PRKCE: variants seen among roughly 807,000 people sequenced by gnomAD.
PRKCE encodes protein kinase C epsilon.
PRKCE carries 16 observed loss-of-function variants against 85.4 expected under a neutral mutation model. The observed-to-expected ratio is 0.19, with a 90% CI of 0.13 to 0.28. PRKCE has a LOEUF of 0.28. Among genes scored for constraint, PRKCE ranks in the 10% least tolerant of loss-of-function variants. The probability of loss-of-function intolerance (pLI) is 1.00; values close to 1 mark genes in which losing one functional copy is unlikely to be tolerated. For synonymous variants in PRKCE, 388 were observed against 371.5 expected (o/e 1.04, Z -0.51); for missense variants, 573 against 975.2 (o/e 0.59, Z 5.49).
chr2:46,034,763 CT>C (rs1316023399), intron 10 of PRKCE, among the ~76,000 whole-genome samples: 1 of 152,240 alleles, frequency 6.6e-6, no homozygotes, highest in Non-Finnish European at 1.5e-5. Context: ...CTCTGACCTC[CT>C]TTGGAGGCTT....
chr2:45,703,021 T>TCA (rs1553382470), intron 1 of PRKCE, among the ~76,000 whole-genome samples: 2 of 149,960 alleles, frequency 1.3e-5, no homozygotes, highest in South Asian at 2.1e-4. Context: ...AAGCCTTTTT[T>TCA]CCCCCCCCGT....
chr2:45,720,489 A>C (rs2104454443), intron 1 of PRKCE, among the ~76,000 whole-genome samples: 1 of 152,218 alleles, frequency 6.6e-6, no homozygotes, highest in Middle Eastern at 3.4e-3. Flanking sequence ...CTGAGATGGA[A>C]ATCTGTGACA....
chr2:45,976,350 G>A, intron 2 of PRKCE, 79 bp from the exon 3 acceptor site: 1 of 1,492,870 alleles, frequency 6.7e-7, no homozygotes. Flanking sequence ...CAGGGATGGA[G>A]TAGCTCTCCA....
intron 5 of PRKCE, among the ~76,000 whole-genome samples, chr2:45,981,675 G>A (rs1024956414): frequency 5.3e-5 from 8 of 152,316 alleles, no homozygotes; most frequent in South Asian, 4.2e-4. Flanking sequence ...TTGCTTTCAC[G>A]AGGAAATGAA....
intron 1 of PRKCE, among the ~76,000 whole-genome samples, chr2:45,737,420 A>T (rs767626607): frequency 2.0e-5 from 3 of 152,180 alleles, no homozygotes; most frequent in Admixed American, 1.3e-4. Flanking sequence ...GAGCACTCAG[A>T]CATCCACTAC....
chr2:46,116,719 G>A (rs750712802), intron 11 of PRKCE, among the ~76,000 whole-genome samples: 1 of 149,128 alleles, frequency 6.7e-6, no homozygotes, highest in African/African-American at 2.5e-5. Flanking sequence ...CACACATGGT[G>A]CTGTTCCTGA....
rs534174400 is a variant in PRKCE at position 46,139,278 on chromosome 2, A to G, written c.1593-5815A>G. Among the ~76,000 whole-genome samples, 6 of 152,300 alleles carry G rather than the reference A, an allele frequency of 3.9e-5. No homozygotes were observed. In the South Asian group the frequency reaches 1.2e-3, roughly 32 times the overall value. On this transcript the variant is annotated intron_variant, in intron 11 of 14. Coordinates refer to ENST00000306156, the MANE Select transcript of PRKCE (RefSeq NM_005400.3). The surrounding 1 kb of genome is among the most constrained non-coding windows in gnomAD (Gnocchi z 5.2). ...CAGACAATTTGAAAAATCCAGGAGAATCAACTGGAAAACTGTTACAAAAAT... is the reference window on the plus strand; with the variant it reads ...CAGACAATTTGAAAAATCCAGGAGAGTCAACTGGAAAACTGTTACAAAAAT...
chr2:45,678,526 C>T (rs150315938), intron 1 of PRKCE, among the ~76,000 whole-genome samples: 363 of 150,802 alleles, frequency 2.4e-3, no homozygotes, highest in African/African-American at 8.1e-3. Flanking sequence ...ATAGAATGAA[C>T]GTGCACGCCT....
intron 10 of PRKCE, among the ~76,000 whole-genome samples, chr2:46,062,494 A>T (rs1390338768): frequency 6.6e-6 from 1 of 152,122 alleles, no homozygotes; most frequent in East Asian, 1.9e-4. Flanking sequence ...GATTAGGACT[A>T]GACACAAACT....
intron 13 of PRKCE, among the ~76,000 whole-genome samples, chr2:46,154,603 G>A (rs944750825): frequency 2.2e-4 from 34 of 151,766 alleles, no homozygotes; most frequent in Admixed American, 6.6e-4. Context: ...CCTTGTCCTC[G>A]CCCTCTGGGA....
intron 2 of PRKCE, among the ~76,000 whole-genome samples, chr2:45,914,754 A>C (rs904403916): frequency 3.9e-5 from 6 of 152,144 alleles, no homozygotes; most frequent in Admixed American, 2.0e-4. Flanking sequence ...TGTTGCTTTT[A>C]TTGGTTTGGC....
chr2:46,075,423 C>A (rs1277977411), intron 10 of PRKCE, among the ~76,000 whole-genome samples: 1 of 152,088 alleles, frequency 6.6e-6, no homozygotes, highest in Non-Finnish European at 1.5e-5. Context: ...TGCCAGTGAG[C>A]AACCTGTTGT....
At chr2:45,871,880 A>C (rs1165134315) in intron 2 of PRKCE, among the ~76,000 whole-genome samples, 1 of 152,154 alleles carries the variant, frequency 6.6e-6, no homozygotes, top group African/African-American at 2.4e-5. Flanking sequence ...CTGATGACGA[A>C]GTGGAGAAAG....
intron 1 of PRKCE, among the ~76,000 whole-genome samples, chr2:45,807,642 A>G (rs2105237006): frequency 6.6e-6 from 1 of 152,318 alleles, no homozygotes. Context: ...CCTGCCCAAC[A>G]TTCATGGCTA....
intron 11 of PRKCE, among the ~76,000 whole-genome samples, chr2:46,108,833 T>C (rs995780782): frequency 6.6e-6 from 1 of 152,186 alleles, no homozygotes; most frequent in Non-Finnish European, 1.5e-5. Context: ...AGTTTAGTGT[T>C]TGATATTTAG....
intron 2 of PRKCE, among the ~76,000 whole-genome samples, chr2:45,868,089 G>A (rs942870230): frequency 3.3e-5 from 5 of 151,930 alleles, no homozygotes; most frequent in Admixed American, 6.6e-5. Flanking sequence ...ATTGTTCTCC[G>A]TGAGTGGTGG....
At chr2:46,181,244 C>T (rs1244899117) in intron 14 of PRKCE, among the ~76,000 whole-genome samples, 1 of 152,150 alleles carries the variant, frequency 6.6e-6, no homozygotes, top group Non-Finnish European at 1.5e-5. Flanking sequence ...GATGGGTTTT[C>T]CCAGAGATGT....
At chr2:45,801,884 C>A (rs1383237108) in intron 1 of PRKCE, among the ~76,000 whole-genome samples, 8 of 152,048 alleles carry the variant, frequency 5.3e-5, no homozygotes, top group African/African-American at 1.7e-4. Context: ...CTGCTGGGGT[C>A]AATTTTGCAC....
At chr2:45,702,909 C>G (rs951872410) in intron 1 of PRKCE, among the ~76,000 whole-genome samples, 5 of 152,176 alleles carry the variant, frequency 3.3e-5, no homozygotes, top group Non-Finnish European at 4.4e-5. Context: ...AGTCATTCCA[C>G]AGAAAGACTT....
Sources: gnomAD v4.1 joint callset for allele counts (sites outside exome capture counted in the v4.1 genomes callset) on GRCh38, gnomAD v4.1.1 for gene constraint, Gnocchi (gnomAD v3.1) non-coding constraint, MANE v1.5 for transcripts, NCBI Gene and HGNC (gene_info 2026-07-23, HGNC 2026-07-21) for gene names.